The following SLC47A2 variants were observed in gnomAD, a reference collection of about 807,000 sequenced individuals.
The protein encoded by SLC47A2 is multidrug and toxin extrusion protein 2.
SLC47A2 carries 52 observed loss-of-function variants against 67.7 expected under a neutral mutation model. That is an observed-to-expected ratio of 0.77 (90% CI 0.61 to 0.97). The LOEUF (loss-of-function observed/expected upper bound fraction) is 0.97, where lower values mean the gene tolerates loss of function less well. Ranked by LOEUF, SLC47A2 falls within the 50% of genes least tolerant of loss-of-function variation. The pLI, the probability that SLC47A2 is intolerant of heterozygous loss-of-function variation, is 0.00. For missense variants in SLC47A2, 676 were observed against 712.3 expected, an observed-to-expected ratio of 0.95 and a Z score of 0.58; for synonymous variants, 278 against 292.9, an observed-to-expected ratio of 0.95 and a Z score of 0.52.
chr17:19,714,476 G>A (rs1475572452), intron 3 of SLC47A2: 9 of 582,268 alleles, frequency 1.5e-5, no homozygotes, highest in South Asian at 2.1e-5. Context: ...TCCTCTGGGG[G>A]CAAGAGATCA....
chr17:19,708,204 C>G, intron 7 of SLC47A2, 98 bp downstream of exon 7: 1 of 1,393,286 alleles, frequency 7.2e-7, no homozygotes, highest in Non-Finnish European at 9.9e-7. Context: ...CAGGACGGCA[C>G]AGGCAGGGCC....
intron 1 of SLC47A2, 32 bp downstream of exon 1, chr17:19,716,401 T>A: frequency 1.3e-6 from 2 of 1,592,470 alleles, no homozygotes; most frequent in Non-Finnish European, 1.7e-6. Context: ...CTTCCTCCAC[T>A]CCCTACCTGC....
At chr17:19,692,827 C>T (rs369655056) in intron 13 of SLC47A2, among the ~76,000 whole-genome samples, 1 of 152,106 alleles carries the variant, frequency 6.6e-6, no homozygotes, top group Non-Finnish European at 1.5e-5. Context: ...AATATATACA[C>T]CATGATCAAG....
chr17:19,704,821 G>GTTT, intron 10 of SLC47A2: 5 of 418,608 alleles, frequency 1.2e-5, no homozygotes, highest in South Asian at 6.2e-5. Context: ...GATGGAATGT[G>GTTT]CTTTTTTTTT....
At chr17:19,683,595 T>C (rs1195713445) in intron 13 of SLC47A2, among the ~76,000 whole-genome samples, 1 of 152,158 alleles carries the variant, frequency 6.6e-6, no homozygotes, top group Admixed American at 6.5e-5. Context: ...GCTGTGCATA[T>C]GGTGTAGCAG....
rs537445707 is a variant in SLC47A2 at position 19,688,537 on chromosome 17, A to G, written c.1165-6867T>C. Among the ~76,000 whole-genome samples the G allele has an allele frequency of 3.3e-5, 5 of 152,330 alleles. No individual in the cohort carries two copies. The South Asian group carries it at 1.0e-3, about 32-fold the overall frequency. ...CAGACAAGAGAAAGAAAGTGCATCC[A>G]GATTGAAAAGGAAATCAAATTATCC... On this transcript the variant is annotated intron_variant, in intron 13 of 16. Coordinates refer to ENST00000433844, the MANE Select transcript of SLC47A2 (RefSeq NM_001099646.3).
In SLC47A2 at chr17:19,714,985, A is replaced by G. The variant is rs1567639396; in HGVS notation, c.225+131T>C. The G allele has an allele frequency of 2.4e-6, 3 of 1,265,828 alleles. No individual in the cohort carries two copies. The East Asian group carries it at 7.0e-5, about 30-fold the overall frequency. The allele number at this position is 1,265,828 out of a possible 1,614,324, so 78.4% of individuals were successfully genotyped here. A position where few individuals can be genotyped will look rare whatever the true frequency, so the allele number is the denominator to read the frequency against. ...TCCGGCCCTCAGGTTCCACCTGTGA[A>G]GGCAGCTGTCCAGCCACGTGGGCTG... On this transcript the variant is annotated intron_variant, in intron 2 of 16. Coordinates refer to ENST00000433844, the MANE Select transcript of SLC47A2 (RefSeq NM_001099646.3).
intron 16 of SLC47A2, 85 bp from the exon 17 acceptor site, chr17:19,678,991 C>T (rs2085251931): frequency 2.6e-6 from 3 of 1,161,434 alleles, no homozygotes; most frequent in South Asian, 1.4e-5. Flanking sequence ...CTAGGTTAAC[C>T]ACCTGGCTGT....
At chr17:19,706,461 C>A (rs931712146) in intron 9 of SLC47A2, among the ~76,000 whole-genome samples, 187 bp downstream of exon 9, 1 of 152,216 alleles carries the variant, frequency 6.6e-6, no homozygotes, top group Non-Finnish European at 1.5e-5. Flanking sequence ...CGGATCAGCC[C>A]CGCTGGGCAG....
Position 19,704,087 on chromosome 17 carries a change from G to A in SLC47A2, c.1001C>T (p.Ser334Leu), listed in dbSNP as rs1450879097. ...DTVQAKRSAV[S>L]GVLSIVGISL... ...CCACCTACCTATGCTGAGCACGCCC[G>A]AGACGGCCGAGCGCTTGGCCTGCAC... The change falls in exon 11 of 17, where the codon TCG (serine) becomes TTG (leucine). Residue 334 changes from serine to leucine, a missense_variant. Ser to Leu is a moderately radical substitution (Grantham distance 145, BLOSUM62 -2). Transcript: ENST00000433844. The A allele has an allele frequency of 1.2e-5, 20 of 1,609,760 alleles. No homozygotes were observed. In the South Asian group the frequency reaches 1.7e-4, roughly 13 times the overall value.
intron 16 of SLC47A2, among the ~76,000 whole-genome samples, chr17:19,679,306 C>T (rs1341829650): frequency 6.6e-6 from 1 of 152,198 alleles, no homozygotes; most frequent in African/African-American, 2.4e-5. Context: ...CAAGGATTAG[C>T]CCAGGATGGA....
chr17:19,689,574 A>G (rs535308976), intron 13 of SLC47A2, among the ~76,000 whole-genome samples: 25 of 151,972 alleles, frequency 1.6e-4, no homozygotes, highest in African/African-American at 5.8e-4. Flanking sequence ...ACATGCACCC[A>G]TGGTCCCAGC....
rs773831839 is a variant in SLC47A2 at position 19,714,726 on chromosome 17, A to T, written c.289T>A (p.Ser97Thr). ...GLSSACDTLM[S>T]QSFGSPNKKH... ...AGCTCCAGGAGGCCACCCACCTGAG[A>T]CATCAAGGTGTCACATGCCGAAGAC... The change falls in exon 3 of 17, where the codon TCT (serine) becomes ACT (threonine). Residue 97 changes from serine (S) to threonine (T), a missense_variant. Transcript: ENST00000433844. 9 of 1,614,058 alleles carry T rather than the reference A, an allele frequency of 5.6e-6. No individual in the cohort carries two copies. The Admixed American group carries it at 1.5e-4, about 27-fold the overall frequency.
At chr17:19,711,678 A>G (rs2086105001) in intron 5 of SLC47A2, among the ~76,000 whole-genome samples, 1 of 151,794 alleles carries the variant, frequency 6.6e-6, no homozygotes, top group Admixed American at 6.6e-5. Context: ...TTTAATAATA[A>G]TAGTCTATGC....
chr17:19,710,501 G>A (rs2086064978), intron 5 of SLC47A2, among the ~76,000 whole-genome samples: 1 of 151,722 alleles, frequency 6.6e-6, no homozygotes, highest in Non-Finnish European at 1.5e-5. Flanking sequence ...TGCCCAGGCT[G>A]AAGTGCAGTG....
rs774715042 is a variant in SLC47A2, at chr17:19,706,695, A to C, written c.794T>G (p.Met265Arg). ...ATAGGCCCACCACTCAACACAGATC[A>C]TGAGCATGCTGGGGACAGCCAGGGA... ...FFSLAVPSML[M>R]ICVEWWAYEI... The change falls in exon 9 of 17, where the codon ATG becomes AGG. Residue 265 changes from methionine (M) to arginine (R), a missense_variant. By Grantham distance (91) the Met-to-Arg change is moderately conservative (BLOSUM62 -1). Coordinates refer to ENST00000433844, the MANE Select transcript of SLC47A2 (RefSeq NM_001099646.3). 6.2e-7 allele frequency: 1 copy of C among 1,611,304 alleles called. No individual in the cohort carries two copies. Among genetic ancestry groups the C allele is most frequent in the Non-Finnish European group, 8.5e-7 (1 of 1,179,126 alleles).
chr17:19,706,886 C>A, intron 8 of SLC47A2, 125 bp from the exon 9 acceptor site: 2 of 658,778 alleles, frequency 3.0e-6, no homozygotes, highest in Non-Finnish European at 5.1e-6. Context: ...CAGGCTCAGG[C>A]ACTGGGCATT....
In SLC47A2 at chr17:19,685,283, C is replaced by A. The variant is rs2085402439; in HGVS notation, c.1165-3613G>T. On this transcript the variant is annotated intron_variant, in intron 13 of 16. Transcript: ENST00000433844. This position sits in a 1 kb window ranked among gnomAD's most constrained non-coding sequence, Gnocchi z 4.5. The stretch of plus-strand genomic sequence containing the variant: ...CCCGCCACCCCATCTAGGAAGTGAG[C>A]AGCGTCTCTGCTTGGCTGCCCATCG... Among the ~76,000 whole-genome samples, 1 of 152,090 alleles carries A rather than the reference C, an allele frequency of 6.6e-6. No homozygotes were observed. Among genetic ancestry groups the A allele is most frequent in the African/African-American group, 2.4e-5 (1 of 41,416 alleles).
chr17:19,702,095 C>T (rs1009529248), intron 13 of SLC47A2: 126 of 977,370 alleles, frequency 1.3e-4, no homozygotes, highest in Non-Finnish European at 1.5e-4. Flanking sequence ...GGTGACAAAG[C>T]GAGACCCTGT....
Sources: gnomAD v4.1 joint callset for allele counts (sites outside exome capture counted in the v4.1 genomes callset) on GRCh38, gnomAD v4.1.1 for gene constraint, Gnocchi (gnomAD v3.1) non-coding constraint, MANE v1.5 for transcripts, NCBI Gene and HGNC (gene_info 2026-07-23, HGNC 2026-07-21) for gene names.